ATXN1: variants seen among roughly 807,000 people sequenced by gnomAD.
ATXN1 encodes the protein ataxin 1, also known as ataxin-1.
In ATXN1, 8 loss-of-function variants were observed where a neutral mutation model predicts 56.4. The observed-to-expected ratio is 0.14, with a 90% CI of 0.08 to 0.26. ATXN1 has a LOEUF of 0.26. Ranked by LOEUF, ATXN1 falls within the 10% of genes least tolerant of loss-of-function variation. The pLI is 1.00. For synonymous variants in ATXN1, 514 were observed against 494.6 expected, an observed-to-expected ratio of 1.04 and a Z score of -0.52; for missense variants, 987 against 1,106.5, an observed-to-expected ratio of 0.89 and a Z score of 1.53.
chr6:16,622,843 A>C (rs1191205235), intron 3 of ATXN1, among the ~76,000 whole-genome samples: 1 of 152,042 alleles, frequency 6.6e-6, no homozygotes, highest in African/African-American at 2.4e-5. Context: ...GTTCTAATCC[A>C]TGTCTTTCTA....
At chr6:16,492,165 C>T (rs1484428726) in intron 5 of ATXN1, among the ~76,000 whole-genome samples, 1 of 151,904 alleles carries the variant, frequency 6.6e-6, no homozygotes, top group Admixed American at 6.6e-5. Context: ...GCCTGGACTT[C>T]GCACCTCCAG....
chr6:16,757,658 G>C (rs1012035156), intron 1 of ATXN1, among the ~76,000 whole-genome samples: 2 of 152,134 alleles, frequency 1.3e-5, no homozygotes, highest in Admixed American at 6.5e-5. Flanking sequence ...GTTTAGCTTT[G>C]TTGGCCATAA....
chr6:16,705,676 C>T (rs1264969689), intron 2 of ATXN1, among the ~76,000 whole-genome samples: 3 of 152,202 alleles, frequency 2.0e-5, no homozygotes, highest in African/African-American at 7.2e-5. Flanking sequence ...CCACTCCAAA[C>T]TCCATGAGAA....
intron 2 of ATXN1, among the ~76,000 whole-genome samples, chr6:16,704,084 C>T (rs1184776750): frequency 2.0e-5 from 3 of 152,166 alleles, no homozygotes; most frequent in African/African-American, 7.2e-5. Flanking sequence ...TCTCTAACTA[C>T]CATTTAAAAA....
At chr6:16,329,082 CCT>C (rs1377361044) in intron 6 of ATXN1, among the ~76,000 whole-genome samples, 1 of 151,816 alleles carries the variant, frequency 6.6e-6, no homozygotes, top group Non-Finnish European at 1.5e-5. Context: ...TTCTCAATAC[CCT>C]CTCTCCTGTT....
At chr6:16,315,422 C>T (rs890861768) in intron 7 of ATXN1, among the ~76,000 whole-genome samples, 2 of 152,150 alleles carry the variant, frequency 1.3e-5, no homozygotes, top group Non-Finnish European at 2.9e-5. Flanking sequence ...GCATCTCACT[C>T]GCTCGGTCAC....
At chr6:16,602,200 G>T (rs1762923960) in intron 3 of ATXN1, among the ~76,000 whole-genome samples, 1 of 151,946 alleles carries the variant, frequency 6.6e-6, no homozygotes, top group African/African-American at 2.4e-5. Flanking sequence ...TTCCCCTTAG[G>T]CCCTCTAGGT....
At chr6:16,518,769 T>C (rs1326293338) in intron 5 of ATXN1, among the ~76,000 whole-genome samples, 1 of 152,184 alleles carries the variant, frequency 6.6e-6, no homozygotes, top group Non-Finnish European at 1.5e-5. Flanking sequence ...TCCAAAACGC[T>C]AGACTGAGAA....
At position 16,407,793 on chromosome 6, in the gene ATXN1, C is replaced by T. The variant is rs186001852; in HGVS notation, c.-161+78179G>A. 2.5e-3 allele frequency among the ~76,000 whole-genome samples: 376 copies of T among 152,218 alleles called. 6 individuals carry two copies. The highest frequency in any genetic ancestry group is 7.5e-4 in the Non-Finnish European group (51 of 68,018). On this transcript the variant is annotated intron_variant, in intron 6 of 7. Coordinates refer to ENST00000436367, the MANE Select transcript of ATXN1 (RefSeq NM_001128164.2). ...GGTCTCATCTGGGCATCTCTGGATA[C>T]GTCTGGGTGGCCTGTGAAGTGGATG...
At chr6:16,534,057 C>T (rs1480849232) in intron 4 of ATXN1, among the ~76,000 whole-genome samples, 4 of 152,068 alleles carry the variant, frequency 2.6e-5, no homozygotes, top group Non-Finnish European at 5.9e-5. Flanking sequence ...GCCAGCCCAA[C>T]CATAAATCCT....
intron 6 of ATXN1, among the ~76,000 whole-genome samples, chr6:16,435,978 A>G (rs566497473): frequency 4.6e-5 from 7 of 151,994 alleles, no homozygotes; most frequent in South Asian, 2.1e-4. Flanking sequence ...GCTCACTGCA[A>G]TCTCCACCTC....
chr6:16,651,541 C>T (rs930012439), intron 3 of ATXN1, among the ~76,000 whole-genome samples: 12 of 87,538 alleles, frequency 1.4e-4, no homozygotes, highest in African/African-American at 5.5e-4. Context: ...GAGACTCTGT[C>T]TCAAAAAAAA....
chr6:16,485,600 C>A (rs759652517), intron 6 of ATXN1: 4 of 152,120 alleles, frequency 2.6e-5, no homozygotes, highest in Non-Finnish European at 4.4e-5. Flanking sequence ...AATTTTACCC[C>A]CTACTCACCA....
intron 3 of ATXN1, among the ~76,000 whole-genome samples, chr6:16,597,254 C>T (rs376487340): frequency 5.3e-5 from 8 of 152,192 alleles, no homozygotes; most frequent in East Asian, 1.9e-4. Context: ...CAAGAATCTC[C>T]GGGGTATAAG....
intron 4 of ATXN1, among the ~76,000 whole-genome samples, chr6:16,539,580 C>G (rs1761672756): frequency 6.6e-6 from 1 of 152,142 alleles, no homozygotes; most frequent in Non-Finnish European, 1.5e-5. Flanking sequence ...GACTGTGTCT[C>G]TCACCAAAGG....
intron 2 of ATXN1, among the ~76,000 whole-genome samples, chr6:16,685,032 C>T (rs1758889250): frequency 6.6e-6 from 1 of 152,056 alleles, no homozygotes; most frequent in Admixed American, 6.6e-5. Context: ...CACACACACA[C>T]ACACATACGT....
chr6:16,330,841 A>G (rs868737103), intron 6 of ATXN1, among the ~76,000 whole-genome samples: 23 of 152,322 alleles, frequency 1.5e-4, no homozygotes, highest in African/African-American at 4.3e-4. Flanking sequence ...TGGTGTCTCG[A>G]TATCAAAGGA....
chr6:16,742,457 G>C (rs975762963), intron 2 of ATXN1, among the ~76,000 whole-genome samples: 2 of 152,232 alleles, frequency 1.3e-5, no homozygotes, highest in Non-Finnish European at 2.9e-5. Context: ...TGCCAGGGCA[G>C]GGCAAGGTTA....
intron 6 of ATXN1, among the ~76,000 whole-genome samples, chr6:16,482,258 C>G (rs766810137): frequency 7.9e-5 from 12 of 152,094 alleles, no homozygotes; most frequent in Non-Finnish European, 1.0e-4. Flanking sequence ...TACTGACTGC[C>G]CATTATGGGA....
Sources: gnomAD v4.1 joint callset for allele counts (sites outside exome capture counted in the v4.1 genomes callset) on GRCh38, gnomAD v4.1.1 for gene constraint, MANE v1.5 for transcripts, NCBI Gene and HGNC (gene_info 2026-07-23, HGNC 2026-07-21) for gene names.